ATP11B: variants seen among roughly 807,000 people sequenced by gnomAD.
ATP11B encodes ATPase phospholipid transporting 11B (putative), also known as phospholipid-transporting ATPase IF.
ATP11B carries 81 observed loss-of-function variants against 157.8 expected under a neutral mutation model. The observed-to-expected ratio is 0.51, with a 90% confidence interval of 0.43 to 0.62. The LOEUF (loss-of-function observed/expected upper bound fraction) is 0.62. Ranked by LOEUF, ATP11B falls within the 20% of genes least tolerant of loss-of-function variation. The pLI is 0.00. For missense variants in ATP11B, 1,165 were observed against 1,402.2 expected (o/e 0.83, Z 2.70); for synonymous variants, 451 against 469.4 (o/e 0.96, Z 0.51).
intron 20 of ATP11B, 22 bp downstream of exon 20, chr3:182,879,671 A>C: frequency 6.3e-7 from 1 of 1,578,634 alleles, no homozygotes; most frequent in Non-Finnish European, 8.6e-7. Context: ...TGTTATAAAA[A>C]AGTCCCATAA....
In ATP11B at chr3:182,793,777, G is replaced by A. The variant is rs1327338888; in HGVS notation, c.18G>A (p.Arg6=). 4 of 1,402,448 alleles carry A rather than the reference G, an allele frequency of 2.9e-6. No individual in the cohort carries two copies. Among genetic ancestry groups the A allele is most frequent in the Middle Eastern group, 2.3e-4 (1 of 4,290 alleles). The allele number at this position is 1,402,448 out of a possible 1,614,324, so 86.9% of individuals were successfully genotyped here. Residue 6 remains arginine, a synonymous_variant, in exon 1 of 30, where the codon CGG becomes CGA. Transcript: ENST00000323116. MWRWI[R]QQLGFDPPHQ... is the part of the protein sequence containing the mutation. ...ACGGGGGAATGTGGCGCTGGATCCG[G>A]CAGCAGCTGGTAGGTGCCCCCGCCC...
At chr3:182,811,811 G>A (rs922528578) in intron 1 of ATP11B, among the ~76,000 whole-genome samples, 9 of 152,134 alleles carry the variant, frequency 5.9e-5, no homozygotes, top group African/African-American at 1.9e-4. Context: ...TTGTAGGTAA[G>A]AGCATTATGT....
intron 19 of ATP11B, among the ~76,000 whole-genome samples, chr3:182,877,559 T>G (rs952230350): frequency 2.6e-5 from 4 of 152,050 alleles, no homozygotes; most frequent in Non-Finnish European, 5.9e-5. Flanking sequence ...GGAGGATGTA[T>G]TGAATCAGGG....
At chr3:182,898,510 G>A (rs1341419195) in intron 27 of ATP11B, 97 bp from the exon 28 acceptor site, 2 of 848,264 alleles carry the variant, frequency 2.4e-6, no homozygotes, top group Non-Finnish European at 3.4e-6. Flanking sequence ...CATTTTCTTG[G>A]AGTACTTGTT....
intron 28 of ATP11B, among the ~76,000 whole-genome samples, chr3:182,902,170 A>G (rs1033183134): frequency 1.7e-4 from 26 of 152,242 alleles, no homozygotes; most frequent in Non-Finnish European, 2.9e-5. Flanking sequence ...AATGGCTAGA[A>G]AGCTATCAGC....
intron 28 of ATP11B, among the ~76,000 whole-genome samples, chr3:182,901,558 T>G (rs1030386755): frequency 6.6e-6 from 1 of 152,148 alleles, no homozygotes; most frequent in African/African-American, 2.4e-5. Context: ...GTTTCAGATT[T>G]TGGATTTTCA....
Position 182,897,422 on chromosome 3 carries a change from G to A in ATP11B, c.3152+16G>A, listed in dbSNP as rs1018770705. 17 of 1,457,720 alleles carry A rather than the reference G, an allele frequency of 1.2e-5. No homozygotes were observed. The highest frequency in any genetic ancestry group is 1.5e-5 in the Non-Finnish European group (16 of 1,065,970). The allele number at this position is 1,457,720 out of a possible 1,614,324, so 90.3% of individuals were successfully genotyped here. On this transcript the variant is annotated intron_variant, in intron 27 of 29. Coordinates refer to ENST00000323116, the MANE Select transcript of ATP11B (RefSeq NM_014616.3). ...GGATTCTCTGGTGAGTGAATATATT[G>A]TATTTTAATTGGATTGCTTCAACTA...
At chr3:182,809,389 C>T (rs887361768) in intron 1 of ATP11B, among the ~76,000 whole-genome samples, 1 of 152,120 alleles carries the variant, frequency 6.6e-6, no homozygotes, top group Admixed American at 6.5e-5. Context: ...GCTGGGACTA[C>T]AGGCATGCTC....
intron 1 of ATP11B, among the ~76,000 whole-genome samples, chr3:182,813,034 A>G (rs1716763537): frequency 6.6e-6 from 1 of 152,206 alleles, no homozygotes; most frequent in Admixed American, 6.5e-5. Context: ...ATATTGCAGC[A>G]TGTGCCAACA....
intron 1 of ATP11B, among the ~76,000 whole-genome samples, chr3:182,805,134 T>C (rs1377345221): frequency 6.6e-6 from 1 of 152,258 alleles, no homozygotes; most frequent in Non-Finnish European, 1.5e-5. Flanking sequence ...TTTGGGCTTA[T>C]ACCTAAAGAG....
chr3:182,873,626 A>G (rs1721824382), intron 18 of ATP11B, among the ~76,000 whole-genome samples, 186 bp from the exon 19 acceptor site: 1 of 152,228 alleles, frequency 6.6e-6, no homozygotes, highest in Non-Finnish European at 1.5e-5. Context: ...CCAGACAATT[A>G]CCAATCTGTT....
rs528904271 is a variant in ATP11B at position 182,820,961 on chromosome 3, C to A, written c.144+585C>A. Among the ~76,000 whole-genome samples the A allele has an allele frequency of 1.4e-4, 22 of 152,192 alleles. No homozygotes were observed. The South Asian group carries it at 4.6e-3, about 32-fold the overall frequency. On this transcript the variant is annotated intron_variant, in intron 2 of 29. Transcript: ENST00000323116. ...CATATCATTTAATCCTTACAACAACCCTATGAGATAGCTTTTATGAAATCT... is the reference window on the plus strand; with the variant it reads ...CATATCATTTAATCCTTACAACAACACTATGAGATAGCTTTTATGAAATCT...
chr3:182,815,952 A>G (rs1345405913), intron 1 of ATP11B, among the ~76,000 whole-genome samples: 2 of 152,312 alleles, frequency 1.3e-5, no homozygotes, highest in South Asian at 2.1e-4. Context: ...TAAAATTGAT[A>G]TAGCTGTTTG....
chr3:182,802,650 A>G (rs535101989), intron 1 of ATP11B, among the ~76,000 whole-genome samples: 3 of 152,240 alleles, frequency 2.0e-5, no homozygotes, highest in Admixed American at 2.0e-4. Context: ...TTCATGAGTG[A>G]AGCTTTTTCC....
At chr3:182,908,883 G>A (rs1401784385) in intron 28 of ATP11B, among the ~76,000 whole-genome samples, 1 of 151,810 alleles carries the variant, frequency 6.6e-6, no homozygotes, top group African/African-American at 2.4e-5. Context: ...TTTCATTTTT[G>A]TTTTTAAAAT....
chr3:182,882,764 A>G (rs1183854452), intron 21 of ATP11B, among the ~76,000 whole-genome samples: 2 of 152,244 alleles, frequency 1.3e-5, no homozygotes, highest in African/African-American at 4.8e-5. Flanking sequence ...AAACTAGTAA[A>G]GAATATTTGT....
chr3:182,856,647 G>T (rs1044701318), intron 10 of ATP11B, among the ~76,000 whole-genome samples: 2 of 152,114 alleles, frequency 1.3e-5, no homozygotes, highest in African/African-American at 2.4e-5. Flanking sequence ...GTGAAGTGCT[G>T]AATACTATGC....
rs1178897585 is a variant in ATP11B at position 182,859,383 on chromosome 3, T to C, written c.1200+24T>C. ...AGGTGAAAATGATCCTAATATTTTG[T>C]TTCTCTAATTTGTTATTTTTATCAA... On this transcript the variant is annotated intron_variant, in intron 12 of 29. Transcript: ENST00000323116. 4 of 1,519,624 alleles carry C rather than the reference T, an allele frequency of 2.6e-6. No homozygotes were observed. The East Asian group carries it at 9.2e-5, about 35-fold the overall frequency. The allele number at this position is 1,519,624 out of a possible 1,614,324, so 94.1% of individuals were successfully genotyped here. A position where few individuals can be genotyped will look rare whatever the true frequency, so the allele number is the denominator to read the frequency against.
intron 25 of ATP11B, among the ~76,000 whole-genome samples, chr3:182,892,827 C>CTA (rs1723265054): frequency 6.6e-6 from 1 of 152,194 alleles, no homozygotes; most frequent in Non-Finnish European, 1.5e-5. Flanking sequence ...GTCTCTAAAA[C>CTA]TGCTTTTCCA....
Sources: allele counts gnomAD v4.1 joint callset (sites outside exome capture counted in the v4.1 genomes callset), GRCh38; gene constraint gnomAD v4.1.1; transcripts MANE v1.5; gene names NCBI Gene and HGNC (gene_info 2026-07-23, HGNC 2026-07-21).